NADSYN1: variants seen among roughly 807,000 people sequenced by gnomAD.
NADSYN1 encodes the protein glutamine-dependent NAD(+) synthetase.
NADSYN1 carries 80 observed loss-of-function variants against 99.3 expected under a neutral mutation model. That is an observed-to-expected ratio of 0.81 (90% CI 0.67 to 0.97). The LOEUF is 0.97. NADSYN1 is among the 50% of genes least tolerant of loss of function. NADSYN1 has a pLI of 0.00. For synonymous variants in NADSYN1, 385 were observed against 372.1 expected (o/e 1.03, Z -0.40); for missense variants, 859 against 948.5 (o/e 0.91, Z 1.24).
chr11:71,456,707 A>G (rs561582833), intron 2 of NADSYN1, among the ~76,000 whole-genome samples: 17 of 152,368 alleles, frequency 1.1e-4, no homozygotes, highest in Admixed American at 7.2e-4. Flanking sequence ...AGGATGTCTA[A>G]CTAAAGGCCC....
intron 5 of NADSYN1, 86 bp downstream of exon 5, chr11:71,464,228 C>A: frequency 9.3e-7 from 1 of 1,080,176 alleles, no homozygotes; most frequent in South Asian, 1.5e-5. Context: ...GGGAGTGTTA[C>A]CGGTGGAGGG....
At chr11:71,476,164 C>T (rs1316118695) in intron 9 of NADSYN1, 1 of 454,788 alleles carries the variant, frequency 2.2e-6, no homozygotes, top group Non-Finnish European at 4.4e-6. Flanking sequence ...CGGGCTCAGA[C>T]CACACGCGGG....
intron 4 of NADSYN1, 85 bp from the exon 5 acceptor site, chr11:71,463,968 C>T (rs1325015127): frequency 4.4e-6 from 5 of 1,141,762 alleles, no homozygotes; most frequent in East Asian, 2.5e-5. Flanking sequence ...ATGGCATCAC[C>T]TCGTCACTTG....
At chr11:71,490,177 T>C (rs1355007346) in intron 16 of NADSYN1, among the ~76,000 whole-genome samples, 1 of 152,098 alleles carries the variant, frequency 6.6e-6, no homozygotes, top group Non-Finnish European at 1.5e-5. Flanking sequence ...AGTCCCGCCT[T>C]CTTTGGCTCA....
At chr11:71,495,711 C>T (rs1013821416) in intron 18 of NADSYN1, among the ~76,000 whole-genome samples, 1 of 152,262 alleles carries the variant, frequency 6.6e-6, no homozygotes. Flanking sequence ...CAAGCAGCCA[C>T]TTGTGCGCAA....
At chr11:71,490,601 C>T (rs556258375) in intron 16 of NADSYN1, among the ~76,000 whole-genome samples, 7 of 152,174 alleles carry the variant, frequency 4.6e-5, no homozygotes, top group Non-Finnish European at 7.4e-5. Flanking sequence ...CTCCCAGCTC[C>T]GTGCTGGTGA....
rs575331318 is a variant in NADSYN1, at chr11:71,470,860, C to A, written c.408-1589C>A. 1.5e-3 allele frequency among the ~76,000 whole-genome samples: 221 copies of A among 152,270 alleles called. 1 individual carries two copies. Among genetic ancestry groups the A allele is most frequent in the African/African-American group, 5.1e-3 (211 of 41,538 alleles). On this transcript the variant is annotated intron_variant, in intron 5 of 20. Transcript: ENST00000319023. ...GTCTGTGTCTGCCTGCCTTATCTTT[C>A]ATCTTCTTTCTAACCATCACTGTCT... is the stretch of plus-strand genomic sequence containing the variant.
intron 3 of NADSYN1, among the ~76,000 whole-genome samples, chr11:71,462,803 C>G (rs940464813): frequency 2.0e-5 from 3 of 152,172 alleles, no homozygotes; most frequent in African/African-American, 7.2e-5. Context: ...TCTCAGTGCC[C>G]CTATGAGGGT....
intron 5 of NADSYN1, among the ~76,000 whole-genome samples, chr11:71,465,755 C>T (rs558691578): frequency 2.0e-5 from 3 of 152,274 alleles, no homozygotes; most frequent in Admixed American, 1.3e-4. Context: ...TGTAAATGGA[C>T]TCTTTAATAT....
chr11:71,484,428 T>C lies in NADSYN1; in HGVS notation c.1436T>C (p.Leu479Pro). 1 of 1,613,968 alleles carries C rather than the reference T, an allele frequency of 6.2e-7. No homozygotes were observed. The highest frequency in any genetic ancestry group is 1.3e-5 in the African/African-American group (1 of 75,050). ...CATGGAGGAAGCAGCAGGGAAAACCTGGCGCTGCAAAATGTGCAGGTGCCC... is the reference window on the plus strand; with the variant it reads ...CATGGAGGAAGCAGCAGGGAAAACCCGGCGCTGCAAAATGTGCAGGTGCCC... ...AAHGGSSRENLALQNVQARIR... is the reference protein window; with the variant it reads ...AAHGGSSRENPALQNVQARIR... Residue 479 changes from leucine (L) to proline (P), a missense_variant, in exon 15 of 21, where the codon CTG becomes CCG. Coordinates refer to ENST00000319023, the MANE Select transcript of NADSYN1 (RefSeq NM_018161.5).
At chr11:71,481,013 C>A in intron 11 of NADSYN1, 134 bp downstream of exon 11, 1 of 1,213,546 alleles carries the variant, frequency 8.2e-7, no homozygotes, top group Non-Finnish European at 1.1e-6. Context: ...AACTGTGCAT[C>A]CCCTGGGTTG....
intron 3 of NADSYN1, among the ~76,000 whole-genome samples, chr11:71,462,187 C>A (rs1167895931): frequency 1.3e-5 from 2 of 152,134 alleles, no homozygotes; most frequent in East Asian, 3.9e-4. Flanking sequence ...CCTCATTTAC[C>A]CTCCTCCCTT....
chr11:71,484,522 A>G lies in NADSYN1; in HGVS notation c.1455+75A>G, dbSNP rs528744746. ...CTGGGACAATCACTACAGGATGTGC[A>G]GGTGCCCCCACCTGGGCCATCGTCT... On this transcript the variant is annotated intron_variant, in intron 15 of 20. Transcript: ENST00000319023. 151 of 1,512,358 alleles carry G rather than the reference A, an allele frequency of 1.0e-4. No homozygotes were observed. In the African/African-American group the frequency reaches 2.0e-3, roughly 20 times the overall value. The allele number at this position is 1,512,358 out of a possible 1,614,324, so 93.7% of individuals were successfully genotyped here. A position where few individuals can be genotyped will look rare whatever the true frequency, so the allele number is the denominator to read the frequency against.
At chr11:71,473,407 T>C (rs758795297) in intron 7 of NADSYN1, 41 bp downstream of exon 7, 15 of 1,591,186 alleles carry the variant, frequency 9.4e-6, no homozygotes, top group African/African-American at 2.7e-5. Context: ...GCCCACCTCA[T>C]ATGGGCCAGC....
rs758754815 is a variant in NADSYN1 at position 71,478,400 on chromosome 11, C to A, written c.804C>A (p.Val268=). Residue 268 remains valine (V), a synonymous_variant, in exon 10 of 21, where the codon GTC becomes GTA. Transcript: ENST00000319023. The part of the protein sequence containing the change: ...GSQFSLDDVE[V]LTATLDLEDV... ...TTTGAAATTTCCTTCTCCAGGAAGT[C>A]CTGACGGCCACGCTGGATCTGGAGG... is the stretch of plus-strand genomic sequence containing the variant. 1 of 1,605,782 alleles carries A rather than the reference C, an allele frequency of 6.2e-7. No individual in the cohort carries two copies. Among genetic ancestry groups the A allele is most frequent in the Admixed American group, 1.7e-5 (1 of 58,868 alleles).
chr11:71,487,634 A>C (rs913604555), intron 16 of NADSYN1, among the ~76,000 whole-genome samples: 3 of 151,930 alleles, frequency 2.0e-5, no homozygotes, highest in Admixed American at 6.6e-5. Flanking sequence ...GATCGAGACC[A>C]TCCTGGCTAA....
Position 71,463,489 on chromosome 11 carries a change from G to A in NADSYN1, c.317+4G>A. On this transcript the variant is annotated splice_donor_region_variant and intron_variant, in intron 4 of 20. Coordinates refer to ENST00000319023, the MANE Select transcript of NADSYN1 (RefSeq NM_018161.5). ...GCAGAGTGATATTCCTCAACAGGTA[G>A]GCCCCCTGCCCCCACCCCGGGAGGG... 6.2e-7 allele frequency: 1 copy of A among 1,613,726 alleles called. No individual in the cohort carries two copies. Among genetic ancestry groups the A allele is most frequent in the Non-Finnish European group, 8.5e-7 (1 of 1,179,700 alleles).
At chr11:71,495,341 G>A (rs1021945460) in intron 18 of NADSYN1, among the ~76,000 whole-genome samples, 2 of 152,306 alleles carry the variant, frequency 1.3e-5, no homozygotes. Flanking sequence ...CAAAATTTCT[G>A]TTACTGAATT....
chr11:71,458,980 C>T (rs1483608506), intron 3 of NADSYN1: 2 of 189,642 alleles, frequency 1.1e-5, no homozygotes, highest in Non-Finnish European at 2.2e-5. Context: ...CTGTGCTGTA[C>T]CCTGCATCGC....
Sources: gnomAD v4.1 joint callset for allele counts (sites outside exome capture counted in the v4.1 genomes callset) on GRCh38, gnomAD v4.1.1 for gene constraint, MANE v1.5 for transcripts, NCBI Gene and HGNC (gene_info 2026-07-23, HGNC 2026-07-21) for gene names.